The following ERBB4 variants were observed in gnomAD, a reference collection of about 807,000 sequenced individuals.
ERBB4 encodes erb-b2 receptor tyrosine kinase 4, also known as receptor tyrosine-protein kinase erbB-4.
ERBB4 carries 42 observed loss-of-function variants against 158.0 expected under a neutral mutation model. The ratio of observed to expected loss-of-function variants is 0.27; its 90% confidence interval spans 0.21 to 0.34. ERBB4 has a LOEUF of 0.34. ERBB4 is among the 10% of genes least tolerant of loss of function. The probability of loss-of-function intolerance (pLI) is 1.00; values close to 1 mark genes in which losing one functional copy is unlikely to be tolerated. For synonymous variants in ERBB4, 583 were observed against 558.7 expected, an observed-to-expected ratio of 1.04 and a Z score of -0.61; for missense variants, 1,333 against 1,624.1, an observed-to-expected ratio of 0.82 and a Z score of 3.08.
rs145168578 is a variant in ERBB4, at chr2:212,221,166, A to T, written c.83-96263T>A. Among the ~76,000 whole-genome samples, 785 of 151,576 alleles carry T rather than the reference A, an allele frequency of 5.2e-3. 3 individuals are homozygous for T. Among genetic ancestry groups the T allele is most frequent in the African/African-American group, 0.017 (712 of 41,488 alleles). ...CAAATATATAAATCTAAGCATTACAATGAAAGTGCTTGGAGTTTATAGTGT... is the reference window on the plus strand; with the variant it reads ...CAAATATATAAATCTAAGCATTACATTGAAAGTGCTTGGAGTTTATAGTGT... On this transcript the variant is annotated intron_variant, in intron 1 of 27. Coordinates refer to ENST00000342788, the MANE Select transcript of ERBB4 (RefSeq NM_005235.3).
intron 12 of ERBB4, among the ~76,000 whole-genome samples, chr2:211,681,168 T>C (rs1228796205): frequency 1.3e-5 from 2 of 152,188 alleles, no homozygotes; most frequent in African/African-American, 4.8e-5. Flanking sequence ...GTTTCATCTA[T>C]GTTACTGCAT....
At chr2:212,310,842 G>A (rs1476849001) in intron 1 of ERBB4, among the ~76,000 whole-genome samples, 2 of 148,474 alleles carry the variant, frequency 1.3e-5, no homozygotes, top group South Asian at 2.1e-4. Context: ...AAATGTTCTC[G>A]CAGTCACCAT....
intron 19 of ERBB4, among the ~76,000 whole-genome samples, chr2:211,568,056 G>T (rs1429774923): frequency 6.6e-6 from 1 of 151,864 alleles, no homozygotes; most frequent in Non-Finnish European, 1.5e-5. Flanking sequence ...GAAGACCATG[G>T]GAATAAATAC....
chr2:211,657,734 G>A lies in ERBB4; in HGVS notation c.1946+20C>T. The A allele has an allele frequency of 6.3e-7, 1 of 1,592,366 alleles. No individual in the cohort carries two copies. On this transcript the variant is annotated intron_variant, in intron 16 of 27. Coordinates refer to ENST00000342788, the MANE Select transcript of ERBB4 (RefSeq NM_005235.3). Reference sequence around the variant, plus strand: ...TAGGAAAGGATTTGAGCGACAAAATGGAAACATGGTAGATGTTACCTAGCA... The same window carrying A: ...TAGGAAAGGATTTGAGCGACAAAATAGAAACATGGTAGATGTTACCTAGCA...
chr2:212,005,988 A>G (rs2076250278), intron 2 of ERBB4, among the ~76,000 whole-genome samples: 1 of 133,092 alleles, frequency 7.5e-6, no homozygotes, highest in African/African-American at 2.7e-5. Flanking sequence ...TGCTTCTATA[A>G]AACTATGGCC....
intron 2 of ERBB4, among the ~76,000 whole-genome samples, chr2:212,110,310 C>A (rs13411381): frequency 6.6e-6 from 1 of 152,186 alleles, no homozygotes; most frequent in Non-Finnish European, 1.5e-5. Flanking sequence ...TCCAAATCCA[C>A]CCGTCCCCAG....
At chr2:211,534,253 A>G (rs2066583601) in intron 20 of ERBB4, among the ~76,000 whole-genome samples, 1 of 152,244 alleles carries the variant, frequency 6.6e-6, no homozygotes, top group South Asian at 2.1e-4. Flanking sequence ...GACAGGATTT[A>G]CAGGTATACT....
intron 3 of ERBB4, among the ~76,000 whole-genome samples, chr2:211,837,327 G>A (rs2077363804): frequency 1.3e-5 from 2 of 151,992 alleles, no homozygotes; most frequent in Non-Finnish European, 2.9e-5. Flanking sequence ...AAAGTACTTG[G>A]GTTATTGAAC....
chr2:212,462,749 T>C (rs987415063), intron 1 of ERBB4, among the ~76,000 whole-genome samples: 1 of 152,070 alleles, frequency 6.6e-6, no homozygotes, highest in East Asian at 1.9e-4. Flanking sequence ...ATTCCACTAC[T>C]GGGTATATAT....
chr2:211,861,303 A>G (rs1030635934), intron 3 of ERBB4, among the ~76,000 whole-genome samples: 12 of 140,576 alleles, frequency 8.5e-5, no homozygotes, highest in African/African-American at 2.4e-4. Flanking sequence ...TGGGACCACA[A>G]ATTCATGCCA....
At chr2:211,723,752 G>A (rs936154011) in intron 6 of ERBB4, among the ~76,000 whole-genome samples, 2 of 152,134 alleles carry the variant, frequency 1.3e-5, no homozygotes, top group Admixed American at 6.5e-5. Flanking sequence ...ATGCAATGCT[G>A]TACACAGATT....
intron 4 of ERBB4, among the ~76,000 whole-genome samples, chr2:211,786,831 C>T (rs2076175696): frequency 6.6e-6 from 1 of 152,128 alleles, no homozygotes; most frequent in Non-Finnish European, 1.5e-5. Flanking sequence ...AAACAGAAGG[C>T]ATTTCTGAAA....
At chr2:212,014,657 T>C (rs1052118591) in intron 2 of ERBB4, among the ~76,000 whole-genome samples, 2 of 152,142 alleles carry the variant, frequency 1.3e-5, no homozygotes, top group African/African-American at 4.8e-5. Flanking sequence ...CACATTGCTT[T>C]ATTTGAACAT....
At chr2:211,989,292 A>G (rs949063820) in intron 2 of ERBB4, among the ~76,000 whole-genome samples, 7 of 151,922 alleles carry the variant, frequency 4.6e-5, no homozygotes, top group African/African-American at 1.7e-4. Context: ...AATATTCCCT[A>G]GCAAAGCATT....
intron 20 of ERBB4, among the ~76,000 whole-genome samples, chr2:211,488,095 A>G (rs1406420483): frequency 6.6e-6 from 1 of 151,984 alleles, no homozygotes; most frequent in Non-Finnish European, 1.5e-5. Flanking sequence ...CTAAAATACT[A>G]ACAGAGCAGT....
At chr2:212,059,344 A>G (rs2125415983) in intron 2 of ERBB4, among the ~76,000 whole-genome samples, 1 of 152,364 alleles carries the variant, frequency 6.6e-6, no homozygotes, top group Admixed American at 6.5e-5. Context: ...AAGAATCAAT[A>G]TTATGAAAAT....
At chr2:212,420,722 T>C (rs2091772657) in intron 1 of ERBB4, among the ~76,000 whole-genome samples, 1 of 152,152 alleles carries the variant, frequency 6.6e-6, no homozygotes, top group African/African-American at 2.4e-5. Context: ...TCCTCAGGCG[T>C]TATAAAGAAT....
chr2:212,442,271 G>T (rs1163538654), intron 1 of ERBB4, among the ~76,000 whole-genome samples: 1 of 150,462 alleles, frequency 6.6e-6, no homozygotes, highest in East Asian at 2.1e-4. Context: ...CAAAAAAAGG[G>T]AATCATGGCC....
In ERBB4 at chr2:211,888,362, T is replaced by C. The variant is rs1018285715; in HGVS notation, c.421+59068A>G. 1.4e-4 allele frequency among the ~76,000 whole-genome samples: 22 copies of C among 152,250 alleles called. 1 individual carries two copies. The highest frequency in any genetic ancestry group is 1.5e-5 in the Non-Finnish European group (1 of 68,044). On this transcript the variant is annotated intron_variant, in intron 3 of 27. Coordinates refer to ENST00000342788, the MANE Select transcript of ERBB4 (RefSeq NM_005235.3). ...TTTAAACATTATACTTATCAACCAT[T>C]GGATAAACACATTACATTTCCACTT...
Sources: gnomAD v4.1 joint callset for allele counts (sites outside exome capture counted in the v4.1 genomes callset) on GRCh38, gnomAD v4.1.1 for gene constraint, MANE v1.5 for transcripts, NCBI Gene and HGNC (gene_info 2026-07-23, HGNC 2026-07-21) for gene names.